The following DENND2A variants were observed in gnomAD, a reference collection of about 807,000 sequenced individuals.
DENND2A encodes the protein DENN domain-containing protein 2A.
Under a neutral mutation model 105.3 loss-of-function variants are expected in DENND2A, and 53 were observed. The observed-to-expected ratio is 0.50, with a 90% CI of 0.40 to 0.63. The LOEUF (loss-of-function observed/expected upper bound fraction) is 0.63, where lower values mean the gene tolerates loss of function less well. DENND2A is among the 30% of genes least tolerant of loss of function. DENND2A has a pLI of 0.00. For synonymous variants in DENND2A, 522 were observed against 508.4 expected, an observed-to-expected ratio of 1.03 and a Z score of -0.36; for missense variants, 1,138 against 1,279.6, an observed-to-expected ratio of 0.89 and a Z score of 1.69.
At chr7:140,568,891 A>G (rs1563147885) in intron 7 of DENND2A, 78 bp from the exon 8 acceptor site, 2 of 1,423,584 alleles carry the variant, frequency 1.4e-6, no homozygotes, top group Non-Finnish European at 2.0e-6. Context: ...GTGGTAGCAC[A>G]GATCAAATGT....
At position 140,589,707 on chromosome 7, in the gene DENND2A, G is replaced by A. The variant is rs578154495; in HGVS notation, c.996-1927C>T. On this transcript the variant is annotated intron_variant, in intron 3 of 19. Transcript: ENST00000496613. ...TGCAGTGGTGCCACCACAGCTCACCGCACCTCAAATTCCTGGGCTCAGGCA... is the reference window on the plus strand; with the variant it reads ...TGCAGTGGTGCCACCACAGCTCACCACACCTCAAATTCCTGGGCTCAGGCA... Among the ~76,000 whole-genome samples, 489 of 152,170 alleles carry A rather than the reference G, an allele frequency of 3.2e-3. 5 individuals carry two copies. Among genetic ancestry groups the A allele is most frequent in the African/African-American group, 0.011 (469 of 41,498 alleles).
At chr7:140,614,572 A>C (rs1800016787) in intron 1 of DENND2A, among the ~76,000 whole-genome samples, 1 of 152,220 alleles carries the variant, frequency 6.6e-6, no homozygotes, top group Non-Finnish European at 1.5e-5. Flanking sequence ...TTTGTGTTGC[A>C]AATAAGGCCA....
chr7:140,538,296 C>G (rs922965367), intron 14 of DENND2A, among the ~76,000 whole-genome samples: 1 of 152,022 alleles, frequency 6.6e-6, no homozygotes, highest in African/African-American at 2.4e-5. Context: ...GGGATGTCAC[C>G]GGGCCACGCA....
At chr7:140,595,476 G>T (rs10242147) in intron 3 of DENND2A, among the ~76,000 whole-genome samples, 3 of 152,080 alleles carry the variant, frequency 2.0e-5, no homozygotes, top group Admixed American at 6.6e-5. Context: ...GATTAAAAAA[G>T]CTTGGCTACA....
intron 12 of DENND2A, among the ~76,000 whole-genome samples, chr7:140,550,289 T>C (rs1797074420): frequency 6.6e-6 from 1 of 152,038 alleles, no homozygotes; most frequent in African/African-American, 2.4e-5. Flanking sequence ...GCCTCTCAGG[T>C]TCAAACGATT....
chr7:140,529,185 G>A (rs1035847738), intron 14 of DENND2A, among the ~76,000 whole-genome samples: 2 of 152,102 alleles, frequency 1.3e-5, no homozygotes, highest in African/African-American at 4.8e-5. Flanking sequence ...CAGGCTGGGT[G>A]CGGTGGCTGA....
intron 3 of DENND2A, among the ~76,000 whole-genome samples, chr7:140,595,933 G>T (rs1799266521): frequency 6.6e-6 from 1 of 152,054 alleles, no homozygotes; most frequent in Admixed American, 6.6e-5. Context: ...CTTCCCCATG[G>T]CTCGCCATAC....
At chr7:140,573,460 G>A (rs982775264) in intron 6 of DENND2A, among the ~76,000 whole-genome samples, 2 of 152,206 alleles carry the variant, frequency 1.3e-5, no homozygotes, top group Non-Finnish European at 2.9e-5. Flanking sequence ...TCTGCAGCGG[G>A]TGTCGACCGT....
intron 1 of DENND2A, among the ~76,000 whole-genome samples, chr7:140,609,686 A>G (rs1054331390): frequency 6.6e-6 from 1 of 152,214 alleles, no homozygotes; most frequent in Admixed American, 6.5e-5. Flanking sequence ...TTAAAATTCT[A>G]ACATCTATAG....
intron 1 of DENND2A, among the ~76,000 whole-genome samples, chr7:140,607,773 C>T (rs1799744728): frequency 6.6e-6 from 1 of 152,154 alleles, no homozygotes; most frequent in African/African-American, 2.4e-5. Context: ...TCCCCACCAC[C>T]GCCACCACCC....
chr7:140,583,876 A>G (rs936951219), intron 5 of DENND2A, among the ~76,000 whole-genome samples: 1 of 147,486 alleles, frequency 6.8e-6, no homozygotes, highest in African/African-American at 2.7e-5. Context: ...CAGTGAGCCA[A>G]GATCGTGCCA....
chr7:140,619,516 G>A (rs1387518389), intron 1 of DENND2A, among the ~76,000 whole-genome samples: 1 of 150,036 alleles, frequency 6.7e-6, no homozygotes, highest in Non-Finnish European at 1.5e-5. Context: ...TTTTTTTTGA[G>A]ATGGAGTCTC....
chr7:140,585,437 G>A, intron 5 of DENND2A, 152 bp downstream of exon 5: 1 of 1,047,614 alleles, frequency 9.5e-7, no homozygotes, highest in South Asian at 1.6e-5. Flanking sequence ...ACTAGAGGGA[G>A]GAAGACCAGT....
intron 5 of DENND2A, among the ~76,000 whole-genome samples, chr7:140,581,387 G>A (rs1798536493): frequency 6.6e-6 from 1 of 152,342 alleles, no homozygotes; most frequent in South Asian, 2.1e-4. Context: ...GGTCCTTTCT[G>A]AGGAGAGCCT....
In DENND2A at chr7:140,527,280, C is replaced by A; in HGVS notation, c.2505+38G>T. The A allele has an allele frequency of 2.0e-6, 3 of 1,532,206 alleles. No homozygotes were observed. The highest frequency in any genetic ancestry group is 2.5e-5 in the South Asian group (2 of 81,260). The allele number at this position is 1,532,206 out of a possible 1,614,324, so 94.9% of individuals were successfully genotyped here. On this transcript the variant is annotated intron_variant, in intron 15 of 19. Coordinates refer to ENST00000496613, the MANE Select transcript of DENND2A (RefSeq NM_015689.5). The surrounding 1 kb of genome is among the most constrained non-coding windows in gnomAD (Gnocchi z 4.9). ...CCAGCGCCCCGCTCTGTTCTCCGCA[C>A]CCTGCAGGGAGGGGGACAGGGCTGA...
chr7:140,541,579 A>G (rs539590369), intron 14 of DENND2A, among the ~76,000 whole-genome samples: 4 of 152,274 alleles, frequency 2.6e-5, no homozygotes, highest in Non-Finnish European at 4.4e-5. Context: ...GACAGTTACT[A>G]TGGTGCTGAT....
In DENND2A at chr7:140,549,286, A is replaced by G. The variant is rs543132528; in HGVS notation, c.2038-2347T>C. Among the ~76,000 whole-genome samples the G allele has an allele frequency of 7.3e-5, 11 of 151,090 alleles. No individual in the cohort carries two copies. In the South Asian group the frequency reaches 2.3e-3, roughly 32 times the overall value. ...ATACACATTTTTTTTTTCCAGAATG[A>G]GTCTTGCTCTGTCGCCCAGGCTGGA... On this transcript the variant is annotated intron_variant, in intron 12 of 19. Transcript: ENST00000496613.
chr7:140,585,621 G>C lies in DENND2A; in HGVS notation c.1213C>G (p.Pro405Ala), dbSNP rs1798748352. The change falls in exon 5 of 20, where the codon CCC (proline) becomes GCC (alanine). Residue 405 changes from proline (P) to alanine (A), a missense_variant. Around this residue, in one of 2 missense-constraint regions of DENND2A, gnomAD observed 627 missense variants for 779.8 expected, o/e 0.80. Coordinates refer to ENST00000496613, the MANE Select transcript of DENND2A (RefSeq NM_015689.5). Reference sequence around the variant, plus strand: ...AGTGTGTCAGGGATGGAAGAGGTGGGAGAAGCAGGAAAATTCAAGACACAC... The same window carrying C: ...AGTGTGTCAGGGATGGAAGAGGTGGCAGAAGCAGGAAAATTCAAGACACAC... ...KKCVLNFPAS[P>A]TSSIPDTLTK... 6.2e-7 allele frequency: 1 copy of C among 1,614,050 alleles called. No individual in the cohort carries two copies. Among genetic ancestry groups the C allele is most frequent in the African/African-American group, 1.3e-5 (1 of 74,918 alleles).
At position 140,634,451 on chromosome 7, in the gene DENND2A, C is replaced by A. The variant is rs1338191404; in HGVS notation, c.-248+6053G>T. Among the ~76,000 whole-genome samples the A allele has an allele frequency of 2.6e-5, 4 of 152,052 alleles. 1 individual carries two copies. Among genetic ancestry groups the A allele is most frequent in the African/African-American group, 9.7e-5 (4 of 41,394 alleles). ...CAATTGTACCCACACTGGTTTTGCC[C>A]CGAATATTTTATGAATTTCTATTTA... On this transcript the variant is annotated intron_variant, in intron 1 of 19. Transcript: ENST00000496613.
Sources: allele counts gnomAD v4.1 joint callset (sites outside exome capture counted in the v4.1 genomes callset), GRCh38; gene constraint gnomAD v4.1.1; regional missense constraint gnomAD v4.1.1; non-coding constraint Gnocchi (gnomAD v3.1); transcripts MANE v1.5; gene names NCBI Gene and HGNC (gene_info 2026-07-23, HGNC 2026-07-21).